The following PLEKHA7 variants were observed in gnomAD, a reference collection of about 807,000 sequenced individuals.
PLEKHA7 encodes pleckstrin homology domain-containing family A member 7.
Under a neutral mutation model 170.0 loss-of-function variants are expected in PLEKHA7, and 104 were observed. The observed-to-expected ratio is 0.61, with a 90% confidence interval of 0.52 to 0.72. The LOEUF (loss-of-function observed/expected upper bound fraction) is 0.72, where lower values mean the gene tolerates loss of function less well. PLEKHA7 is among the 30% of genes least tolerant of loss of function. The probability of loss-of-function intolerance (pLI) is 0.00; values close to 1 mark genes in which losing one functional copy is unlikely to be tolerated. For synonymous variants in PLEKHA7, 648 were observed against 660.8 expected (o/e 0.98, Z 0.30); for missense variants, 1,615 against 1,671.7 (o/e 0.97, Z 0.59).
At chr11:16,909,390 T>G (rs996808869) in intron 3 of PLEKHA7, among the ~76,000 whole-genome samples, 18 of 152,228 alleles carry the variant, frequency 1.2e-4, no homozygotes, top group African/African-American at 4.3e-4. Flanking sequence ...TCTTGTACTA[T>G]GTGTATTCTG....
At chr11:16,913,707 C>T (rs1012921260) in intron 3 of PLEKHA7, among the ~76,000 whole-genome samples, 3 of 152,224 alleles carry the variant, frequency 2.0e-5, no homozygotes, top group African/African-American at 7.2e-5. Context: ...CACTGGCAAA[C>T]CACAAGAGGC....
intron 9 of PLEKHA7, among the ~76,000 whole-genome samples, chr11:16,836,802 T>G (rs537991097): frequency 6.8e-6 from 1 of 146,332 alleles, no homozygotes; most frequent in South Asian, 2.1e-4. Context: ...TGGGCTTTTT[T>G]TTTTTGTTTT....
intron 3 of PLEKHA7, among the ~76,000 whole-genome samples, chr11:17,005,210 G>A (rs1248347180): frequency 1.3e-5 from 2 of 152,142 alleles, no homozygotes; most frequent in African/African-American, 4.8e-5. Flanking sequence ...AATTTAGGAA[G>A]CACCAAATTT....
chr11:16,899,197 G>A (rs969315229), intron 3 of PLEKHA7, among the ~76,000 whole-genome samples: 3 of 152,136 alleles, frequency 2.0e-5, no homozygotes, highest in Non-Finnish European at 2.9e-5. Context: ...GTTCAATATA[G>A]ACAAAACTTT....
intron 3 of PLEKHA7, among the ~76,000 whole-genome samples, chr11:16,975,462 T>C (rs1449482537): frequency 3.9e-5 from 6 of 152,138 alleles, no homozygotes. Context: ...TAAGGACATG[T>C]ATATTTTTTC....
chr11:16,971,989 A>G (rs957879454), intron 3 of PLEKHA7, among the ~76,000 whole-genome samples: 1 of 151,882 alleles, frequency 6.6e-6, no homozygotes, highest in Non-Finnish European at 1.5e-5. Flanking sequence ...ACATCTGGCT[A>G]ATTTTTATAT....
chr11:16,975,236 T>C (rs1000170820), intron 3 of PLEKHA7, among the ~76,000 whole-genome samples: 1 of 152,238 alleles, frequency 6.6e-6, no homozygotes, highest in Non-Finnish European at 1.5e-5. Flanking sequence ...GAATTTTTTA[T>C]CAATGAAATA....
At chr11:16,928,759 T>C (rs930458230) in intron 3 of PLEKHA7, among the ~76,000 whole-genome samples, 1 of 152,106 alleles carries the variant, frequency 6.6e-6, no homozygotes, top group Non-Finnish European at 1.5e-5. Flanking sequence ...CTGGCCCTCA[T>C]GTAGATTTTT....
chr11:16,994,418 A>C (rs1864220399), intron 3 of PLEKHA7, among the ~76,000 whole-genome samples: 1 of 152,088 alleles, frequency 6.6e-6, no homozygotes, highest in Non-Finnish European at 1.5e-5. Flanking sequence ...AGTGGGGGCC[A>C]CCTGCTTTCT....
chr11:16,915,277 T>C (rs962745844), intron 3 of PLEKHA7, among the ~76,000 whole-genome samples: 2 of 152,214 alleles, frequency 1.3e-5, no homozygotes, highest in Non-Finnish European at 1.5e-5. Flanking sequence ...GGTAAGTAGG[T>C]TGACCTGCTC....
intron 3 of PLEKHA7, among the ~76,000 whole-genome samples, chr11:16,900,843 A>ATT (rs1195144939): frequency 1.3e-5 from 2 of 150,984 alleles, no homozygotes; most frequent in African/African-American, 4.9e-5. Flanking sequence ...GGAAGTCATG[A>ATT]TTTTTTATTT....
At chr11:16,818,974 T>A (rs1849999960) in intron 10 of PLEKHA7, among the ~76,000 whole-genome samples, 2 of 150,306 alleles carry the variant, frequency 1.3e-5, no homozygotes, top group African/African-American at 2.5e-5. Flanking sequence ...CGGCTAATTT[T>A]TTGTATTTTT....
At chr11:16,804,325 C>T (rs1848802039) in intron 13 of PLEKHA7, among the ~76,000 whole-genome samples, 1 of 152,152 alleles carries the variant, frequency 6.6e-6, no homozygotes, top group African/African-American at 2.4e-5. Flanking sequence ...GCAGAGAGGT[C>T]CCAATGTGGA....
At chr11:16,947,702 G>A (rs1341420061) in intron 3 of PLEKHA7, among the ~76,000 whole-genome samples, 1 of 151,804 alleles carries the variant, frequency 6.6e-6, no homozygotes, top group Non-Finnish European at 1.5e-5. Flanking sequence ...GATTGCCTGA[G>A]CTCAGGAGTT....
At chr11:17,004,480 C>T (rs1344206707) in intron 3 of PLEKHA7, among the ~76,000 whole-genome samples, 1 of 151,712 alleles carries the variant, frequency 6.6e-6, no homozygotes, top group Non-Finnish European at 1.5e-5. Flanking sequence ...GTAACCTCTG[C>T]CTCCTGGGTT....
chr11:16,907,161 G>A (rs1203111931), intron 3 of PLEKHA7, among the ~76,000 whole-genome samples: 1 of 58,908 alleles, frequency 1.7e-5, no homozygotes, highest in Non-Finnish European at 4.1e-5. Context: ...GAAGGGAGGT[G>A]GGGGGGTTAG....
chr11:16,921,128 T>C (rs1012399650), intron 3 of PLEKHA7, among the ~76,000 whole-genome samples: 17 of 152,248 alleles, frequency 1.1e-4, no homozygotes, highest in African/African-American at 3.6e-4. Flanking sequence ...TACATTTTTT[T>C]TCTAACACAT....
At position 16,789,045 on chromosome 11, in the gene PLEKHA7, G is replaced by A. The variant is rs1432191156; in HGVS notation, c.3357+51C>T. ...GTGCTTGTGTTTGGGGGACTCTGAG[G>A]GGCACTCGGCTCCCTGTCCCTGCCC... On this transcript the variant is annotated intron_variant, in intron 23 of 26. Transcript: ENST00000531066. This position sits in a 1 kb window ranked among gnomAD's most constrained non-coding sequence, Gnocchi z 4.6. 9.6e-6 allele frequency: 15 copies of A among 1,568,476 alleles called. No individual in the cohort carries two copies. Among genetic ancestry groups the A allele is most frequent in the African/African-American group, 1.3e-5 (1 of 74,346 alleles).
intron 9 of PLEKHA7, among the ~76,000 whole-genome samples, chr11:16,839,851 C>G (rs11024052): frequency 0.3 from 44,788 of 151,764 alleles, 7,972 homozygotes; most frequent in East Asian, 0.56. Flanking sequence ...ATACTGTAAA[C>G]ATATATATAT....
Sources: gnomAD v4.1 joint callset for allele counts (sites outside exome capture counted in the v4.1 genomes callset) on GRCh38, gnomAD v4.1.1 for gene constraint, Gnocchi (gnomAD v3.1) non-coding constraint, MANE v1.5 for transcripts, NCBI Gene and HGNC (gene_info 2026-07-23, HGNC 2026-07-21) for gene names.